The following ERC2 variants were observed in gnomAD, a reference collection of about 807,000 sequenced individuals.
The protein encoded by ERC2 is ELKS/RAB6-interacting/CAST family member 2, also known as ERC protein 2.
A neutral mutation model predicts 114.8 loss-of-function variants in ERC2; 42 were observed. That is an observed-to-expected ratio of 0.37 (90% confidence interval 0.29 to 0.47). The LOEUF (loss-of-function observed/expected upper bound fraction) is 0.47, where lower values mean the gene tolerates loss of function less well. Among genes scored for constraint, ERC2 ranks in the 20% least tolerant of loss-of-function variants. The pLI is 0.99. For synonymous variants in ERC2, 454 were observed against 425.5 expected, an observed-to-expected ratio of 1.07 and a Z score of -0.82; for missense variants, 939 against 1,150.7, an observed-to-expected ratio of 0.82 and a Z score of 2.66.
chr3:55,823,722 T>C (rs1020490156), intron 14 of ERC2, among the ~76,000 whole-genome samples: 5 of 152,212 alleles, frequency 3.3e-5, no homozygotes. Context: ...TTCTTCCTGG[T>C]TTCATTTTCC....
chr3:55,750,902 TC>T (rs966579785), intron 14 of ERC2, among the ~76,000 whole-genome samples: 1 of 152,232 alleles, frequency 6.6e-6, no homozygotes, highest in African/African-American at 2.4e-5. Flanking sequence ...ATTGTGACAT[TC>T]AGTAATGTCC....
At chr3:56,464,304 C>A (rs557351554) in intron 1 of ERC2, among the ~76,000 whole-genome samples, 1 of 152,342 alleles carries the variant, frequency 6.6e-6, no homozygotes, top group Non-Finnish European at 1.5e-5. Context: ...TAGTTTGCCT[C>A]TTGGCTCCAG....
intron 2 of ERC2, among the ~76,000 whole-genome samples, chr3:56,305,456 C>T (rs1019107577): frequency 2.6e-5 from 4 of 151,236 alleles, no homozygotes; most frequent in African/African-American, 9.7e-5. Flanking sequence ...ATCAGAAAAC[C>T]ACATGAGCCA....
chr3:56,384,277 A>G (rs997815704), intron 2 of ERC2, among the ~76,000 whole-genome samples: 2 of 152,160 alleles, frequency 1.3e-5, no homozygotes, highest in Non-Finnish European at 1.5e-5. Context: ...AGGAACTGCC[A>G]TACTGTTTTC....
At chr3:55,880,443 T>G (rs759784871) in intron 14 of ERC2, among the ~76,000 whole-genome samples, 2 of 152,164 alleles carry the variant, frequency 1.3e-5, no homozygotes, top group Non-Finnish European at 2.9e-5. Flanking sequence ...AACTTCAGAG[T>G]TAAAAGAAGG....
chr3:55,652,859 C>CAAAAAAAAAAAAAAAAAAAAAAAAA, intron 17 of ERC2, among the ~76,000 whole-genome samples: 1 of 74,378 alleles, frequency 1.3e-5, no homozygotes, highest in African/African-American at 5.1e-5. Flanking sequence ...GACTCTGTCT[C>CAAAAAAAAAAAAAAAAAAAAAAAAA]AAAAAAAAAA....
rs189451804 is a variant in ERC2, at chr3:55,864,596, G to A, written c.2564+23793C>T. ...GCAGTTTCTATAAGTCTGACCAAAAGATAATATTTTATCAAAAAGCAAGGC... is the reference window on the plus strand; with the variant it reads ...GCAGTTTCTATAAGTCTGACCAAAAAATAATATTTTATCAAAAAGCAAGGC... On this transcript the variant is annotated intron_variant, in intron 14 of 17. Coordinates refer to ENST00000288221, the MANE Select transcript of ERC2 (RefSeq NM_015576.3). 5.4e-3 allele frequency among the ~76,000 whole-genome samples: 816 copies of A among 152,214 alleles called. 9 individuals carry two copies. The highest frequency in any genetic ancestry group is 0.019 in the African/African-American group (779 of 41,546).
At chr3:55,781,803 T>C (rs111708598) in intron 14 of ERC2, among the ~76,000 whole-genome samples, 33,026 of 146,440 alleles carry the variant, frequency 0.23, 3,861 homozygotes, top group Middle Eastern at 0.31. Flanking sequence ...ACCCAGGATG[T>C]GGAGGTTGCA....
intron 14 of ERC2, among the ~76,000 whole-genome samples, chr3:55,795,873 C>G (rs1233952045): frequency 6.6e-6 from 1 of 152,140 alleles, no homozygotes; most frequent in Non-Finnish European, 1.5e-5. Context: ...AAATAATTAC[C>G]CAGAGTACCT....
chr3:56,043,405 C>T (rs553228057), intron 7 of ERC2, among the ~76,000 whole-genome samples: 6 of 152,018 alleles, frequency 3.9e-5, no homozygotes, highest in Non-Finnish European at 5.9e-5. Context: ...TGTTATATAG[C>T]GTTGGGATCA....
chr3:56,097,156 G>A (rs1457345056), intron 6 of ERC2, among the ~76,000 whole-genome samples: 1 of 152,182 alleles, frequency 6.6e-6, no homozygotes, highest in Non-Finnish European at 1.5e-5. Context: ...CAGAGCAAGT[G>A]ATTGTTTCTC....
chr3:55,587,998 G>A (rs1243627223), intron 17 of ERC2, among the ~76,000 whole-genome samples: 1 of 152,124 alleles, frequency 6.6e-6, no homozygotes, highest in Non-Finnish European at 1.5e-5. Context: ...CCTTCCAAAC[G>A]CAAAACAGCC....
At chr3:55,860,803 C>T (rs749626605) in intron 14 of ERC2, among the ~76,000 whole-genome samples, 25 of 152,096 alleles carry the variant, frequency 1.6e-4, no homozygotes, top group Non-Finnish European at 3.4e-4. Flanking sequence ...TTTTAGTCCA[C>T]ACACTAACAA....
At chr3:55,749,713 A>T (rs2066544298) in intron 14 of ERC2, among the ~76,000 whole-genome samples, 1 of 152,140 alleles carries the variant, frequency 6.6e-6, no homozygotes, top group African/African-American at 2.4e-5. Flanking sequence ...GGGGACAATA[A>T]GGGAATAAAA....
intron 17 of ERC2, among the ~76,000 whole-genome samples, chr3:55,593,343 T>C (rs2057988248): frequency 6.6e-6 from 1 of 152,132 alleles, no homozygotes; most frequent in Non-Finnish European, 1.5e-5. Flanking sequence ...GGGTCATCCA[T>C]GGGATTCCAG....
chr3:55,888,836 C>A (rs2149320322), intron 13 of ERC2, among the ~76,000 whole-genome samples: 1 of 152,166 alleles, frequency 6.6e-6, no homozygotes, highest in South Asian at 2.1e-4. Context: ...GATGGTTGCA[C>A]CAAAATCTCA....
intron 13 of ERC2, among the ~76,000 whole-genome samples, chr3:55,913,606 G>GA (rs1002185852): frequency 1.1e-4 from 17 of 150,614 alleles, no homozygotes; most frequent in African/African-American, 1.7e-4. Context: ...TCTACAAAAG[G>GA]AAAAAAAAAT....
chr3:56,319,393 A>C (rs2057021652), intron 2 of ERC2, among the ~76,000 whole-genome samples: 1 of 152,250 alleles, frequency 6.6e-6, no homozygotes, highest in Non-Finnish European at 1.5e-5. Flanking sequence ...AGCCAGTTAC[A>C]GAAGAACAAA....
intron 1 of ERC2, among the ~76,000 whole-genome samples, chr3:56,447,773 C>T (rs958560429): frequency 2.6e-5 from 4 of 151,522 alleles, no homozygotes; most frequent in Non-Finnish European, 4.4e-5. Flanking sequence ...GACAGAGTCT[C>T]GCTCTGCCAC....
Sources: gnomAD v4.1 joint callset for allele counts (sites outside exome capture counted in the v4.1 genomes callset) on GRCh38, gnomAD v4.1.1 for gene constraint, MANE v1.5 for transcripts, NCBI Gene and HGNC (gene_info 2026-07-23, HGNC 2026-07-21) for gene names.